PSEN2: variants seen among roughly 807,000 people sequenced by gnomAD.
PSEN2 encodes presenilin-2.
In PSEN2, 32 loss-of-function variants were observed where a neutral mutation model predicts 49.1. The observed-to-expected ratio is 0.65, with a 90% CI of 0.49 to 0.88. The LOEUF is 0.88. Among genes scored for constraint, PSEN2 ranks in the 40% least tolerant of loss-of-function variants. The probability of loss-of-function intolerance (pLI) is 0.00; values close to 1 mark genes in which losing one functional copy is unlikely to be tolerated. For missense variants in PSEN2, 522 were observed against 586.9 expected (o/e 0.89, Z 1.14); for synonymous variants, 255 against 244.0 (o/e 1.05, Z -0.42).
At chr1:226,902,606 C>T (rs1019240831) in intron 12 of PSEN2, among the ~76,000 whole-genome samples, 2 of 152,116 alleles carry the variant, frequency 1.3e-5, no homozygotes, top group Non-Finnish European at 2.9e-5. Context: ...AGCCACGGCA[C>T]AAGACAGAAG....
At chr1:226,876,143 C>T (rs539899828) in intron 3 of PSEN2, among the ~76,000 whole-genome samples, 14 of 152,216 alleles carry the variant, frequency 9.2e-5, no homozygotes, top group South Asian at 4.2e-4. Context: ...ATCGCGTCAC[C>T]GGCACTCTAA....
intron 2 of PSEN2, among the ~76,000 whole-genome samples, chr1:226,873,762 T>G: frequency 6.6e-6 from 1 of 152,208 alleles, no homozygotes; most frequent in East Asian, 1.9e-4. Context: ...TGTTCACATA[T>G]GCATATTTAT....
At chr1:226,899,151 T>G (rs1447939481), downstream of PSEN2, 6 of 152,130 alleles carry the variant, frequency 3.9e-5, no homozygotes, top group Admixed American at 3.9e-4. Flanking sequence ...CTATCAGTTT[T>G]TTGCTTGTAT....
rs921755587 is a variant in PSEN2 at position 226,887,968 on chromosome 1, G to C, written c.499-123G>C. 1.4e-5 allele frequency: 12 copies of C among 831,848 alleles called. No homozygotes were observed. In the African/African-American group the frequency reaches 1.8e-4, roughly 13 times the overall value. 51.5% of individuals were successfully genotyped at this position (831,848 alleles called of 1,614,324 possible). On this transcript the variant is annotated intron_variant, in intron 6 of 12. Coordinates refer to ENST00000366783, the MANE Select transcript of PSEN2 (RefSeq NM_000447.3). ...TAAGGTGGCCACCTGATCCCTTCCA[G>C]CGTAGGCATGAAGTAGCCTAATGAA...
intron 3 of PSEN2, among the ~76,000 whole-genome samples, chr1:226,876,893 C>T (rs182084017): frequency 2.0e-5 from 3 of 152,308 alleles, no homozygotes; most frequent in African/African-American, 7.2e-5. Flanking sequence ...TTTCCACACT[C>T]TCCTCCGCAG....
intron 12 of PSEN2, chr1:226,903,608 TC>T (rs945568550): frequency 2.0e-5 from 3 of 151,944 alleles, no homozygotes; most frequent in Non-Finnish European, 4.4e-5. Context: ...CCATTCCACT[TC>T]CCCACATCTG....
intron 3 of PSEN2, among the ~76,000 whole-genome samples, chr1:226,875,788 G>A (rs896898807): frequency 2.6e-5 from 4 of 152,150 alleles, no homozygotes; most frequent in South Asian, 4.1e-4. Flanking sequence ...ACACAAGCAC[G>A]GCTGGGGAGA....
At chr1:226,901,334 G>A (rs951915084), downstream of PSEN2, among the ~76,000 whole-genome samples, 4 of 151,550 alleles carry the variant, frequency 2.6e-5, no homozygotes, top group East Asian at 7.7e-4. Flanking sequence ...TACTCAGGAG[G>A]CTGAGACAGA....
chr1:226,872,135 A>G (rs1660339498), intron 2 of PSEN2, among the ~76,000 whole-genome samples: 1 of 152,170 alleles, frequency 6.6e-6, no homozygotes. Flanking sequence ...AGCAAGGGCT[A>G]GGGGCTGCTG....
At chr1:226,883,651 G>A in intron 4 of PSEN2, 54 bp from the exon 5 acceptor site, 1 of 1,552,010 alleles carries the variant, frequency 6.4e-7, no homozygotes, top group South Asian at 1.1e-5. Flanking sequence ...TGCATTACAT[G>A]GATAGGCTGC....
downstream of PSEN2, chr1:226,898,338 G>T (rs1662218820): frequency 6.6e-6 from 1 of 152,218 alleles, no homozygotes; most frequent in Non-Finnish European, 1.5e-5. Flanking sequence ...GGGTTTTGCA[G>T]TGTTTCTGTA....
chr1:226,902,614 A>C (rs1558159968), intron 12 of PSEN2, among the ~76,000 whole-genome samples: 1 of 152,112 alleles, frequency 6.6e-6, no homozygotes, highest in Non-Finnish European at 1.5e-5. Context: ...CACAAGACAG[A>C]AGTTTCCCAC....
chr1:226,901,618 G>A (rs777710602), downstream of PSEN2, among the ~76,000 whole-genome samples: 4 of 151,984 alleles, frequency 2.6e-5, no homozygotes, highest in Admixed American at 1.3e-4. Context: ...GTGTCTCTTC[G>A]TGGCTTTGAT....
intron 2 of PSEN2, among the ~76,000 whole-genome samples, chr1:226,872,637 G>A (rs1260720159): frequency 1.3e-5 from 2 of 151,786 alleles, no homozygotes; most frequent in Non-Finnish European, 2.9e-5. Flanking sequence ...GTGTGTGTAG[G>A]TCACATGCAG....
rs12758915 is a variant in PSEN2, at chr1:226,870,643, A to G, written c.-356A>G. The G allele has an allele frequency of 0.5, 76,188 of 151,934 alleles. 19,419 individuals carry two copies. The highest frequency in any genetic ancestry group is 0.58 in the South Asian group (2,824 of 4,834). 9.4% of individuals were successfully genotyped at this position (151,934 alleles called of 1,614,324 possible). A position where few individuals can be genotyped will look rare whatever the true frequency, so the allele number is the denominator to read the frequency against. On this transcript the variant is annotated 5_prime_UTR_variant, in exon 1 of 13. Transcript: ENST00000366783. ...GTAAACTCCGCTGGAGCGCGGCGGC[A>G]GAGCAGGTGAGCGGGCGGTGCCGGG... is the stretch of plus-strand genomic sequence containing the variant.
intron 2 of PSEN2, among the ~76,000 whole-genome samples, chr1:226,874,908 T>A (rs1399586736): frequency 1.3e-5 from 2 of 152,258 alleles, no homozygotes; most frequent in African/African-American, 2.4e-5. Flanking sequence ...GCTGCTTGTT[T>A]AAAAATAAAT....
At chr1:226,870,843 G>C (rs1390844021) in intron 1 of PSEN2, 194 bp downstream of exon 1, 2 of 152,278 alleles carry the variant, frequency 1.3e-5, no homozygotes, top group Non-Finnish European at 2.9e-5. Context: ...CGCGGGGGCG[G>C]AGAGAGGAGA....
At chr1:226,872,672 C>A (rs1022636076) in intron 2 of PSEN2, among the ~76,000 whole-genome samples, 3 of 152,174 alleles carry the variant, frequency 2.0e-5, no homozygotes, top group African/African-American at 4.8e-5. Flanking sequence ...ACATCTCTGG[C>A]GGGTTTTCAG....
intron 3 of PSEN2, chr1:226,880,526 G>T (rs142421813): frequency 1.2e-5 from 19 of 1,550,596 alleles, no homozygotes; most frequent in Non-Finnish European, 1.4e-5. Context: ...TCTGGACAGC[G>T]ATCACTCAGC....
Sources: allele counts gnomAD v4.1 joint callset (sites outside exome capture counted in the v4.1 genomes callset), GRCh38; gene constraint gnomAD v4.1.1; transcripts MANE v1.5; gene names NCBI Gene and HGNC (gene_info 2026-07-23, HGNC 2026-07-21).